Variants in DOLPP1 observed in about 807,000 individuals in gnomAD.
The protein encoded by DOLPP1 is dolichyldiphosphatase 1.
In DOLPP1, 15 loss-of-function variants were observed where a neutral mutation model predicts 34.1. The observed-to-expected ratio is 0.44, with a 90% CI of 0.29 to 0.68. The LOEUF (loss-of-function observed/expected upper bound fraction) is 0.68, where lower values mean the gene tolerates loss of function less well. Among genes scored for constraint, DOLPP1 ranks in the 30% least tolerant of loss-of-function variants. The probability of loss-of-function intolerance (pLI) is 0.12; values close to 1 mark genes in which losing one functional copy is unlikely to be tolerated. For synonymous variants in DOLPP1, 130 were observed against 128.2 expected (o/e 1.01, Z -0.10); for missense variants, 249 against 307.1 (o/e 0.81, Z 1.41).
rs1847045048 is a variant in DOLPP1, at chr9:129,088,982, G to A, written c.692G>A (p.Arg231His). The A allele has an allele frequency of 2.5e-6, 4 of 1,613,870 alleles. No individual in the cohort carries two copies. The highest frequency in any genetic ancestry group is 2.5e-6 in the Non-Finnish European group (3 of 1,179,950). Residue 231 changes from arginine to histidine, a missense_variant, in exon 8 of 8, where the codon CGC becomes CAC. By Grantham distance (29) the Arg-to-His change is conservative. Transcript: ENST00000372546. ...VTRAEARNRQRKLGTKLQ is the reference protein window; with the variant it reads ...VTRAEARNRQHKLGTKLQ ...ATCCTGTTTTGCAGGAACAGACAACGCAAGCTGGGGACGAAACTGCAGTGA... is the reference window on the plus strand; with the variant it reads ...ATCCTGTTTTGCAGGAACAGACAACACAAGCTGGGGACGAAACTGCAGTGA...
At position 129,084,713 on chromosome 9, in the gene DOLPP1, T is replaced by G; in HGVS notation, c.122T>G (p.Val41Gly). ...HLLAYLSLSP[V>G]FVIVGFVTLI... ...CTTGCCTACCTGAGCCTCAGCCCTG[T>G]ATTTGTCATCGTCGGTTTCGTGACC... Residue 41 changes from valine to glycine, a missense_variant, in exon 2 of 8, where the codon GTA (valine) becomes GGA (glycine). By Grantham distance (109) the Val-to-Gly change is moderately radical. Transcript: ENST00000372546. 1 of 1,614,088 alleles carries G rather than the reference T, an allele frequency of 6.2e-7. No homozygotes were observed. Among genetic ancestry groups the G allele is most frequent in the Admixed American group, 1.7e-5 (1 of 60,016 alleles).
At chr9:129,084,792 T>TGCC in intron 2 of DOLPP1, 24 bp downstream of exon 2, 2 of 1,160,918 alleles carry the variant, frequency 1.7e-6, no homozygotes, top group Non-Finnish European at 2.4e-6. Context: ...GCCCACACCC[T>TGCC]CCCCACCCCA....
Position 129,085,259 on chromosome 9 carries a change from G to C in DOLPP1, c.315G>C (p.Gln105His). 6.2e-7 allele frequency: 1 copy of C among 1,614,110 alleles called. No homozygotes were observed. Among genetic ancestry groups the C allele is most frequent in the Non-Finnish European group, 8.5e-7 (1 of 1,180,028 alleles). The part of the protein sequence containing the change: ...TKYGMPSSHS[Q>H]FMWFFSVYSF... ...ACGGGATGCCCTCCAGCCATTCCCAGTTTATGTGGTTCTTCTCCGTCTATT... is the reference window on the plus strand; with the variant it reads ...ACGGGATGCCCTCCAGCCATTCCCACTTTATGTGGTTCTTCTCCGTCTATT... The change falls in exon 4 of 8, where the codon CAG becomes CAC. Residue 105 changes from glutamine to histidine, a missense_variant. Transcript: ENST00000372546. This position sits in a 1 kb window ranked among gnomAD's most constrained non-coding sequence, Gnocchi z 7.0.
intron 1 of DOLPP1, among the ~76,000 whole-genome samples, chr9:129,083,590 C>A (rs1320181269): frequency 6.6e-6 from 1 of 152,194 alleles, no homozygotes; most frequent in Non-Finnish European, 1.5e-5. Context: ...CCTCTGTGGA[C>A]AACTTCCCTG....
chr9:129,082,719 G>T (rs568547756), intron 1 of DOLPP1, among the ~76,000 whole-genome samples: 1 of 152,116 alleles, frequency 6.6e-6, no homozygotes, highest in African/African-American at 2.4e-5. Context: ...GCACTTCTCC[G>T]TCACACCCCT....
chr9:129,081,286 C>T, intron 1 of DOLPP1, 79 bp downstream of exon 1: 2 of 1,552,748 alleles, frequency 1.3e-6, no homozygotes, highest in South Asian at 2.3e-5. Flanking sequence ...TGCTCGAGCC[C>T]GCGGAGGGGG....
Position 129,085,255 on chromosome 9 carries a change from C to G in DOLPP1, c.311C>G (p.Ser104Cys), listed in dbSNP as rs759702994. ...GTKYGMPSSH[S>C]QFMWFFSVYS... The stretch of plus-strand genomic sequence containing the variant: ...AAGTACGGGATGCCCTCCAGCCATT[C>G]CCAGTTTATGTGGTTCTTCTCCGTC... Residue 104 changes from serine to cysteine, a missense_variant, in exon 4 of 8, where the codon TCC becomes TGC. Transcript: ENST00000372546. The surrounding 1 kb of genome is among the most constrained non-coding windows in gnomAD (Gnocchi z 7.0). 1.9e-6 allele frequency: 3 copies of G among 1,613,974 alleles called. No homozygotes were observed. The highest frequency in any genetic ancestry group is 2.7e-5 in the African/African-American group (2 of 74,918).
intron 7 of DOLPP1, among the ~76,000 whole-genome samples, chr9:129,087,915 C>T (rs1192506382): frequency 1.3e-5 from 2 of 151,770 alleles, no homozygotes; most frequent in Admixed American, 6.6e-5. Flanking sequence ...TGCCCTGCCC[C>T]GCCTGGCCGG....
Position 129,085,998 on chromosome 9 carries a change from G to T in DOLPP1, c.462-141G>T. Reference sequence around the variant, plus strand: ...CCCACTTGGAAATGGATCTGAGGCTGTGCCCCGTGGAGTCAGTGTCCTGTC... The same window carrying T: ...CCCACTTGGAAATGGATCTGAGGCTTTGCCCCGTGGAGTCAGTGTCCTGTC... On this transcript the variant is annotated intron_variant, in intron 5 of 7. Coordinates refer to ENST00000372546, the MANE Select transcript of DOLPP1 (RefSeq NM_020438.5). The surrounding 1 kb of genome is among the most constrained non-coding windows in gnomAD (Gnocchi z 7.0). 1.3e-6 allele frequency: 1 copy of T among 791,792 alleles called. No homozygotes were observed. The allele number at this position is 791,792 out of a possible 1,614,324, so 49.0% of individuals were successfully genotyped here.
chr9:129,086,586 G>T, intron 6 of DOLPP1, 123 bp from the exon 7 acceptor site: 1 of 1,052,924 alleles, frequency 9.5e-7, no homozygotes, highest in Middle Eastern at 2.4e-4. Flanking sequence ...TCTCAGGCCA[G>T]GCAAAGACTC....
At chr9:129,087,644 G>T (rs1011530886) in intron 7 of DOLPP1, among the ~76,000 whole-genome samples, 5 of 152,074 alleles carry the variant, frequency 3.3e-5, no homozygotes, top group African/African-American at 1.2e-4. Flanking sequence ...GGGTTCAGAG[G>T]GGAGCTGAGG....
intron 6 of DOLPP1, 53 bp downstream of exon 6, chr9:129,086,320 T>C: frequency 6.2e-7 from 1 of 1,602,602 alleles, no homozygotes; most frequent in African/African-American, 1.3e-5. Context: ...CTCCTGTGGG[T>C]GGGGCCATCA....
In DOLPP1 at chr9:129,084,714, A is replaced by G. The variant is rs17485947; in HGVS notation, c.123A>G (p.Val41=). The G allele has an allele frequency of 2.2e-4, 350 of 1,613,872 alleles. No homozygotes were observed. The African/African-American group carries it at 4.3e-3, about 20-fold the overall frequency. ...TTGCCTACCTGAGCCTCAGCCCTGTATTTGTCATCGTCGGTTTCGTGACCC... is the reference window on the plus strand; with the variant it reads ...TTGCCTACCTGAGCCTCAGCCCTGTGTTTGTCATCGTCGGTTTCGTGACCC... ...HLLAYLSLSP[V]FVIVGFVTLI... The change falls in exon 2 of 8, where the codon GTA becomes GTG. Residue 41 remains valine, a synonymous_variant. Coordinates refer to ENST00000372546, the MANE Select transcript of DOLPP1 (RefSeq NM_020438.5).
rs761488099 is a variant in DOLPP1 at position 129,086,194 on chromosome 9, G to A, written c.517G>A (p.Gly173Ser). The change falls in exon 6 of 8, where the codon GGC (glycine) becomes AGC (serine). Residue 173 changes from glycine to serine, a missense_variant. Physicochemically the swap from Gly to Ser is moderately conservative, Grantham distance 56. Coordinates refer to ENST00000372546, the MANE Select transcript of DOLPP1 (RefSeq NM_020438.5). ...SQVLYGGIAG[G>S]LMAIAWFIFT... ...GGTGCTCTATGGAGGCATCGCTGGA[G>A]GCCTCATGGCCATCGCCTGGTTCAT... is the stretch of plus-strand genomic sequence containing the variant. 3 of 1,613,354 alleles carry A rather than the reference G, an allele frequency of 1.9e-6. No homozygotes were observed. Among genetic ancestry groups the A allele is most frequent in the East Asian group, 4.5e-5 (2 of 44,880 alleles).
chr9:129,084,818 C>A (rs748497315), intron 2 of DOLPP1, 50 bp downstream of exon 2: 1 of 1,431,060 alleles, frequency 7.0e-7, no homozygotes, highest in Non-Finnish European at 9.8e-7. Context: ...AGTGCCCCCA[C>A]CCTGCTTTGG....
At chr9:129,081,821 G>T (rs1846894998) in intron 1 of DOLPP1, among the ~76,000 whole-genome samples, 1 of 152,246 alleles carries the variant, frequency 6.6e-6, no homozygotes, top group African/African-American at 2.4e-5. Context: ...GGGCTTTCCA[G>T]TTGAGAGGTC....
chr9:129,081,971 G>C (rs894315942), intron 1 of DOLPP1, among the ~76,000 whole-genome samples: 1 of 152,170 alleles, frequency 6.6e-6, no homozygotes, highest in African/African-American at 2.4e-5. Flanking sequence ...CTCTAAAGTG[G>C]GACTGATTAC....
In DOLPP1 at chr9:129,086,628, C is replaced by T. The variant is rs17508481; in HGVS notation, c.591-81C>T. 3,238 of 1,438,316 alleles carry T rather than the reference C, an allele frequency of 2.3e-3. 52 individuals are homozygous for T. The African/African-American group carries it at 0.039, about 17-fold the overall frequency. The allele number at this position is 1,438,316 out of a possible 1,614,324, so 89.1% of individuals were successfully genotyped here. On this transcript the variant is annotated intron_variant, in intron 6 of 7. Coordinates refer to ENST00000372546, the MANE Select transcript of DOLPP1 (RefSeq NM_020438.5). The stretch of plus-strand genomic sequence containing the variant: ...GTCGGGGCGGGTGCCGTGCCAGCCC[C>T]GGGCAATGGTGGGGATGGCTGGCAT...
intron 1 of DOLPP1, 61 bp downstream of exon 1, chr9:129,081,268 C>A: frequency 1.3e-6 from 2 of 1,585,676 alleles, no homozygotes; most frequent in Admixed American, 3.4e-5. Flanking sequence ...GTCCCGGGCG[C>A]TCCGGCCTGC....
Sources: gnomAD v4.1 joint callset for allele counts (sites outside exome capture counted in the v4.1 genomes callset) on GRCh38, gnomAD v4.1.1 for gene constraint, Gnocchi (gnomAD v3.1) non-coding constraint, MANE v1.5 for transcripts, NCBI Gene and HGNC (gene_info 2026-07-23, HGNC 2026-07-21) for gene names.